Variants in OSBPL8 observed in about 807,000 individuals in gnomAD.
OSBPL8 encodes oxysterol-binding protein-related protein 8.
A neutral mutation model predicts 125.5 loss-of-function variants in OSBPL8; 59 were observed. The observed-to-expected ratio is 0.47, with a 90% CI of 0.38 to 0.58. The LOEUF (loss-of-function observed/expected upper bound fraction) is 0.58. OSBPL8 is among the 20% of genes least tolerant of loss of function. The pLI is 0.00. For synonymous variants in OSBPL8, 330 were observed against 338.9 expected (o/e 0.97, Z 0.29); for missense variants, 758 against 1,047.8 (o/e 0.72, Z 3.82).
In OSBPL8 at chr12:76,386,250, T is replaced by C; in HGVS notation, c.1451A>G (p.Tyr484Cys). 2 of 1,596,602 alleles carry C rather than the reference T, an allele frequency of 1.3e-6. No homozygotes were observed. Among genetic ancestry groups the C allele is most frequent in the South Asian group, 1.1e-5 (1 of 88,902 alleles). ...GAAAGTCTCGCCAAGTATAGGATTA[T>C]AAGGTTTCTTCAGTCCCTGGTAAAA... The part of the protein sequence containing the change: ...YKKPKGLKKP[Y>C]NPILGETFRC... The change falls in exon 14 of 24, where the codon TAT becomes TGT. Residue 484 changes from tyrosine (Y) to cysteine (C), a missense_variant. Tyr to Cys is a radical substitution (Grantham distance 194). Around this residue, in one of 3 missense-constraint regions of OSBPL8, gnomAD observed 572 missense variants for 762.0 expected, o/e 0.75. Coordinates refer to ENST00000261183, the MANE Select transcript of OSBPL8 (RefSeq NM_020841.5).
intron 1 of OSBPL8, among the ~76,000 whole-genome samples, chr12:76,492,413 T>C (rs1217520163): frequency 6.6e-6 from 1 of 152,184 alleles, no homozygotes; most frequent in Non-Finnish European, 1.5e-5. Flanking sequence ...AGATCATATT[T>C]GGTCCTGTGG....
At chr12:76,511,006 G>A (rs1324196021) in intron 1 of OSBPL8, among the ~76,000 whole-genome samples, 1 of 152,072 alleles carries the variant, frequency 6.6e-6, no homozygotes, top group African/African-American at 2.4e-5. Context: ...AAGAGAAAAT[G>A]AAGTAAACTG....
chr12:76,431,954 C>T (rs530632403), intron 4 of OSBPL8, among the ~76,000 whole-genome samples: 19 of 152,026 alleles, frequency 1.2e-4, no homozygotes, highest in Non-Finnish European at 1.8e-4. Context: ...AAATGAAGCA[C>T]TCTTCAGGAT....
chr12:76,376,480 A>T (rs1395037151), intron 16 of OSBPL8, among the ~76,000 whole-genome samples: 1 of 152,216 alleles, frequency 6.6e-6, no homozygotes, highest in Non-Finnish European at 1.5e-5. Context: ...TCTTATAAAA[A>T]TCATTTCATA....
chr12:76,411,816 T>G (rs902981395), intron 4 of OSBPL8, among the ~76,000 whole-genome samples: 2 of 152,090 alleles, frequency 1.3e-5, no homozygotes, highest in South Asian at 4.1e-4. Context: ...ACTCCTATAA[T>G]GAGACAGAAA....
chr12:76,391,328 G>A (rs1315982278), intron 10 of OSBPL8, among the ~76,000 whole-genome samples: 11 of 152,100 alleles, frequency 7.2e-5, no homozygotes, highest in Admixed American at 7.2e-4. Flanking sequence ...CTCACTTAAA[G>A]TGATTAGGGC....
chr12:76,464,550 T>C (rs1454478866), intron 2 of OSBPL8, among the ~76,000 whole-genome samples: 1 of 152,218 alleles, frequency 6.6e-6, no homozygotes, highest in African/African-American at 2.4e-5. Context: ...TTATTGTATG[T>C]CTAAATATTT....
chr12:76,375,908 A>T lies in OSBPL8; in HGVS notation c.1730-538T>A, dbSNP rs146945943. On this transcript the variant is annotated intron_variant, in intron 16 of 23. Coordinates refer to ENST00000261183, the MANE Select transcript of OSBPL8 (RefSeq NM_020841.5). ...AGCTATACTGTATTTTACAGGGAAA[A>T]TGTGTGTTAAAAGCTACGTTTAGGC... 2.8e-4 allele frequency among the ~76,000 whole-genome samples: 43 copies of T among 152,244 alleles called. No individual in the cohort carries two copies. In the East Asian group the frequency reaches 8.3e-3, roughly 29 times the overall value.
At chr12:76,495,625 T>C (rs1418602902) in intron 1 of OSBPL8, among the ~76,000 whole-genome samples, 1 of 151,450 alleles carries the variant, frequency 6.6e-6, no homozygotes, top group Admixed American at 6.6e-5. Context: ...AAATCATTCA[T>C]AAAAGGCAAA....
At chr12:76,535,431 T>C (rs1167149451) in intron 1 of OSBPL8, among the ~76,000 whole-genome samples, 2 of 152,144 alleles carry the variant, frequency 1.3e-5, no homozygotes, top group Non-Finnish European at 2.9e-5. Flanking sequence ...CACTAGAATG[T>C]TAATTAAATT....
chr12:76,420,281 T>C (rs142059666), intron 4 of OSBPL8, among the ~76,000 whole-genome samples: 3 of 152,244 alleles, frequency 2.0e-5, no homozygotes, highest in African/African-American at 4.8e-5. Flanking sequence ...AAAACAACTA[T>C]GTACTAAAAT....
At chr12:76,386,697 T>G in intron 12 of OSBPL8, 37 bp from the exon 13 acceptor site, 1 of 1,438,668 alleles carries the variant, frequency 7.0e-7, no homozygotes, top group Non-Finnish European at 9.6e-7. Context: ...TTTTAAAAAA[T>G]GTATCACAAA....
At chr12:76,434,505 A>G (rs918743191) in intron 4 of OSBPL8, among the ~76,000 whole-genome samples, 7 of 152,186 alleles carry the variant, frequency 4.6e-5, no homozygotes, top group Non-Finnish European at 1.0e-4. Flanking sequence ...AGGTAAGACT[A>G]TATCAATCTA....
intron 2 of OSBPL8, among the ~76,000 whole-genome samples, chr12:76,463,565 A>G (rs988616481): frequency 2.0e-5 from 3 of 152,254 alleles, no homozygotes; most frequent in African/African-American, 7.2e-5. Context: ...TGGCTTAATC[A>G]TAAGAGACTG....
chr12:76,502,453 G>C (rs537139942), intron 1 of OSBPL8, among the ~76,000 whole-genome samples: 6 of 152,186 alleles, frequency 3.9e-5, no homozygotes, highest in Admixed American at 3.9e-4. Flanking sequence ...AGGCAAAGAA[G>C]GGGGTTTACT....
intron 10 of OSBPL8, among the ~76,000 whole-genome samples, chr12:76,391,541 AG>A (rs1953557371): frequency 6.6e-6 from 1 of 152,126 alleles, no homozygotes; most frequent in East Asian, 1.9e-4. Context: ...GGGGGAAAAA[AG>A]AAAAGAAAAA....
rs559550980 is a variant in OSBPL8 at position 76,402,834 on chromosome 12, G to A, written c.289-68C>T. On this transcript the variant is annotated intron_variant, in intron 5 of 23. Transcript: ENST00000261183. ...TTCTACACGTCGCATAAAAATTAAT[G>A]TTAAAATTATGTGACATTTTTCTCA... 1.1e-5 allele frequency: 11 copies of A among 1,023,786 alleles called. No individual in the cohort carries two copies. In the Admixed American group the frequency reaches 2.4e-4, roughly 22 times the overall value. The allele number at this position is 1,023,786 out of a possible 1,614,324, so 63.4% of individuals were successfully genotyped here.
chr12:76,416,511 T>C (rs1050983270), intron 4 of OSBPL8, among the ~76,000 whole-genome samples: 2 of 152,082 alleles, frequency 1.3e-5, no homozygotes, highest in African/African-American at 4.8e-5. Context: ...AGAATATAAG[T>C]ACAGATTTAT....
intron 1 of OSBPL8, among the ~76,000 whole-genome samples, chr12:76,532,857 C>T (rs1950385613): frequency 6.6e-6 from 1 of 152,164 alleles, no homozygotes; most frequent in Non-Finnish European, 1.5e-5. Flanking sequence ...AAGATTGTTG[C>T]TTTCTGCTCT....
Sources: allele counts gnomAD v4.1 joint callset (sites outside exome capture counted in the v4.1 genomes callset), GRCh38; gene constraint gnomAD v4.1.1; regional missense constraint gnomAD v4.1.1; transcripts MANE v1.5; gene names NCBI Gene and HGNC (gene_info 2026-07-23, HGNC 2026-07-21).